C4orf17: variants seen among roughly 807,000 people sequenced by gnomAD.
C4orf17 encodes uncharacterized protein C4orf17.
In C4orf17, 25 loss-of-function variants were observed where a neutral mutation model predicts 32.0. That is an observed-to-expected ratio of 0.78 (90% CI 0.57 to 1.09). C4orf17 has a LOEUF of 1.09. Among genes scored for constraint, C4orf17 ranks in the 50% least tolerant of loss-of-function variants. The pLI is 0.00. For synonymous variants in C4orf17, 149 were observed against 145.8 expected, an observed-to-expected ratio of 1.02 and a Z score of -0.16; for missense variants, 420 against 420.0, an observed-to-expected ratio of 1.00 and a Z score of 0.00.
chr4:99,537,926 T>G (rs1337147526), intron 6 of C4orf17, among the ~76,000 whole-genome samples, 176 bp downstream of exon 6: 1 of 152,210 alleles, frequency 6.6e-6, no homozygotes, highest in African/African-American at 2.4e-5. Context: ...TGCATGCATG[T>G]GGGTCATTCA....
At chr4:99,518,334 G>A (rs765543756) in intron 2 of C4orf17, among the ~76,000 whole-genome samples, 4 of 150,668 alleles carry the variant, frequency 2.7e-5, no homozygotes, top group Non-Finnish European at 5.9e-5. Flanking sequence ...TGGGAGGATC[G>A]CTTGAGGTGG....
chr4:99,533,055 A>G (rs1723501609), intron 5 of C4orf17, among the ~76,000 whole-genome samples: 1 of 152,236 alleles, frequency 6.6e-6, no homozygotes, highest in South Asian at 2.1e-4. Flanking sequence ...GAAAGTGGCA[A>G]GAGATGGGGC....
chr4:99,522,370 T>C lies in C4orf17; in HGVS notation c.128-130T>C, dbSNP rs17029084. 8.5e-3 allele frequency: 6,088 copies of C among 718,476 alleles called. 267 individuals carry two copies. In the African/African-American group the frequency reaches 0.12, roughly 14 times the overall value. 44.5% of individuals were successfully genotyped at this position (718,476 alleles called of 1,614,324 possible). On this transcript the variant is annotated intron_variant, in intron 2 of 8. Coordinates refer to ENST00000326581, the MANE Select transcript of C4orf17 (RefSeq NM_032149.3). Reference sequence around the variant, plus strand: ...CAATTTTTTTTTTTGGTTTATACAATTTGAAGTTCAACATTTTACATACAT... The same window carrying C: ...CAATTTTTTTTTTTGGTTTATACAACTTGAAGTTCAACATTTTACATACAT...
chr4:99,538,634 C>T (rs1010836155), intron 6 of C4orf17, among the ~76,000 whole-genome samples: 1 of 151,988 alleles, frequency 6.6e-6, no homozygotes, highest in African/African-American at 2.4e-5. Context: ...ATTTAATAAA[C>T]TATACAAGTA....
rs1191195766 is a variant in C4orf17 at position 99,530,042 on chromosome 4, C to A, written c.546+84C>A. ...TTATACCACTAGCATCCTTAAAACTCTTAAATGATTCCTTACTGATAACTG... is the reference window on the plus strand; with the variant it reads ...TTATACCACTAGCATCCTTAAAACTATTAAATGATTCCTTACTGATAACTG... On this transcript the variant is annotated intron_variant, in intron 5 of 8. Coordinates refer to ENST00000326581, the MANE Select transcript of C4orf17 (RefSeq NM_032149.3). 23 of 1,032,118 alleles carry A rather than the reference C, an allele frequency of 2.2e-5. No homozygotes were observed. In the East Asian group the frequency reaches 3.5e-4, roughly 16 times the overall value. The allele number at this position is 1,032,118 out of a possible 1,614,324, so 63.9% of individuals were successfully genotyped here. A position where few individuals can be genotyped will look rare whatever the true frequency, so the allele number is the denominator to read the frequency against.
intron 5 of C4orf17, among the ~76,000 whole-genome samples, chr4:99,531,831 A>T (rs1037721115): frequency 6.8e-6 from 1 of 146,006 alleles, no homozygotes; most frequent in Non-Finnish European, 1.5e-5. Context: ...TCTTGGAGGC[A>T]TTCTATTCTT....
At position 99,513,033 on chromosome 4, in the gene C4orf17, A is replaced by G. The variant is rs772166235; in HGVS notation, c.-49A>G. 36 of 1,610,016 alleles carry G rather than the reference A, an allele frequency of 2.2e-5. No individual in the cohort carries two copies. Among genetic ancestry groups the G allele is most frequent in the Non-Finnish European group, 2.8e-5 (33 of 1,177,744 alleles). On this transcript the variant is annotated 5_prime_UTR_variant, in exon 2 of 9. Coordinates refer to ENST00000326581, the MANE Select transcript of C4orf17 (RefSeq NM_032149.3). The stretch of plus-strand genomic sequence containing the variant: ...GTGAGGTCAATCAAGTTAGACCCCA[A>G]AAACTTTTGTGACAACAGTGAAGAG...
At chr4:99,531,751 A>C (rs1049485395) in intron 5 of C4orf17, among the ~76,000 whole-genome samples, 1 of 152,162 alleles carries the variant, frequency 6.6e-6, no homozygotes, top group Admixed American at 6.6e-5. Context: ...ACGGAGAGGG[A>C]ATAAAGTGAT....
chr4:99,534,355 C>G (rs1723526223), intron 5 of C4orf17, among the ~76,000 whole-genome samples: 1 of 152,148 alleles, frequency 6.6e-6, no homozygotes. Context: ...GTATATGTAT[C>G]ACATTTTCTT....
chr4:99,535,411 A>G (rs965469945), intron 5 of C4orf17, among the ~76,000 whole-genome samples: 8 of 142,188 alleles, frequency 5.6e-5, no homozygotes, highest in African/African-American at 2.1e-4. Context: ...ATAATCCCAC[A>G]TTTCTCGGAG....
At chr4:99,519,060 C>T (rs376915711) in intron 2 of C4orf17, among the ~76,000 whole-genome samples, 104 of 152,002 alleles carry the variant, frequency 6.8e-4, no homozygotes, top group African/African-American at 2.2e-3. Flanking sequence ...ATAAGAAAGC[C>T]GTAAATGAAG....
intron 2 of C4orf17, among the ~76,000 whole-genome samples, chr4:99,518,515 AAAAATATATAT>A (rs1723227628): frequency 1.9e-5 from 1 of 52,652 alleles, no homozygotes; most frequent in African/African-American, 1.1e-4. Context: ...AAAAAAAAAA[AAAAATATATAT>A]ATATATATAT....
chr4:99,540,341 A>T, intron 7 of C4orf17, 71 bp from the exon 8 acceptor site: 1 of 1,051,604 alleles, frequency 9.5e-7, no homozygotes, highest in Non-Finnish European at 1.5e-6. Flanking sequence ...CTTATTGATG[A>T]CAGTGTAGTC....
At chr4:99,522,061 A>G (rs934909653) in intron 2 of C4orf17, among the ~76,000 whole-genome samples, 1 of 152,192 alleles carries the variant, frequency 6.6e-6, no homozygotes, top group Non-Finnish European at 1.5e-5. Context: ...GAACCACTGT[A>G]TCTCTTCTAG....
At chr4:99,515,305 A>G (rs750171889) in intron 2 of C4orf17, among the ~76,000 whole-genome samples, 1 of 152,196 alleles carries the variant, frequency 6.6e-6, no homozygotes, top group Non-Finnish European at 1.5e-5. Flanking sequence ...CTAAGTGCCC[A>G]TCAATGATAG....
chr4:99,512,931 A>T, intron 1 of C4orf17, 58 bp from the exon 2 acceptor site: 1 of 700,938 alleles, frequency 1.4e-6, no homozygotes, highest in Non-Finnish European at 2.3e-6. Context: ...GAAATGTTTG[A>T]TATATAAGAA....
rs1723127222 is a variant in C4orf17 at position 99,513,296 on chromosome 4, T to C, written c.127+88T>C. On this transcript the variant is annotated intron_variant, in intron 2 of 8. Coordinates refer to ENST00000326581, the MANE Select transcript of C4orf17 (RefSeq NM_032149.3). ...CTGGCAGGTAAACACAACGCTGCTA[T>C]TCAAAATATTTAACCACTGGAGAGG... The C allele has an allele frequency of 2.0e-6, 3 of 1,497,786 alleles. No individual in the cohort carries two copies. In the South Asian group the frequency reaches 3.5e-5, roughly 17 times the overall value. 92.8% of individuals were successfully genotyped at this position (1,497,786 alleles called of 1,614,324 possible). A position where few individuals can be genotyped will look rare whatever the true frequency, so the allele number is the denominator to read the frequency against.
chr4:99,525,903 T>C (rs1376211954), intron 4 of C4orf17, among the ~76,000 whole-genome samples: 1 of 152,224 alleles, frequency 6.6e-6, no homozygotes, highest in Non-Finnish European at 1.5e-5. Context: ...AATATTTTCT[T>C]CCAGTCTGAG....
At chr4:99,513,604 C>T (rs1184706378) in intron 2 of C4orf17, among the ~76,000 whole-genome samples, 1 of 152,110 alleles carries the variant, frequency 6.6e-6, no homozygotes, top group African/African-American at 2.4e-5. Context: ...ATGTTTTACT[C>T]TTGCTTCCTT....
Sources: gnomAD v4.1 joint callset for allele counts (sites outside exome capture counted in the v4.1 genomes callset) on GRCh38, gnomAD v4.1.1 for gene constraint, MANE v1.5 for transcripts, NCBI Gene and HGNC (gene_info 2026-07-23, HGNC 2026-07-21) for gene names.